SLC20A2: variants seen among roughly 807,000 people sequenced by gnomAD.
SLC20A2 encodes solute carrier family 20 member 2.
In SLC20A2, 30 loss-of-function variants were observed where a neutral mutation model predicts 61.0. That is an observed-to-expected ratio of 0.49 (90% CI 0.37 to 0.67). The LOEUF (loss-of-function observed/expected upper bound fraction) is 0.67, where lower values mean the gene tolerates loss of function less well. Among genes scored for constraint, SLC20A2 ranks in the 30% least tolerant of loss-of-function variants. The pLI, the probability that SLC20A2 is intolerant of heterozygous loss-of-function variation, is 0.00. For missense variants in SLC20A2, 626 were observed against 866.4 expected, an observed-to-expected ratio of 0.72 and a Z score of 3.48; for synonymous variants, 351 against 353.3, an observed-to-expected ratio of 0.99 and a Z score of 0.07.
chr8:42,479,784 C>T (rs561964223), intron 1 of SLC20A2, among the ~76,000 whole-genome samples: 2 of 152,212 alleles, frequency 1.3e-5, no homozygotes, highest in African/African-American at 2.4e-5. Flanking sequence ...GAGATTGAGC[C>T]ACTGCACTCT....
At chr8:42,454,269 T>G (rs1805963266) in intron 5 of SLC20A2, among the ~76,000 whole-genome samples, 1 of 152,200 alleles carries the variant, frequency 6.6e-6, no homozygotes, top group Admixed American at 6.5e-5. Context: ...CCCGAAGTGC[T>G]GAGATTACAG....
intron 1 of SLC20A2, among the ~76,000 whole-genome samples, chr8:42,526,147 G>C (rs900299974): frequency 6.6e-6 from 1 of 152,288 alleles, no homozygotes; most frequent in Non-Finnish European, 1.5e-5. Context: ...CCCCAGCAGA[G>C]TGACTAAGGT....
intron 10 of SLC20A2, among the ~76,000 whole-genome samples, chr8:42,421,988 C>T (rs1284666662): frequency 2.0e-5 from 3 of 152,130 alleles, no homozygotes; most frequent in Admixed American, 1.3e-4. Context: ...CAGTCCTGCC[C>T]TGTCACGAAG....
intron 7 of SLC20A2, among the ~76,000 whole-genome samples, chr8:42,438,284 C>G (rs1351680066): frequency 6.6e-6 from 1 of 152,084 alleles, no homozygotes; most frequent in African/African-American, 2.4e-5. Flanking sequence ...AAACCCACTT[C>G]GTGTGAGGTA....
intron 5 of SLC20A2, among the ~76,000 whole-genome samples, chr8:42,456,592 C>T (rs933353677): frequency 1.7e-4 from 26 of 151,892 alleles, no homozygotes; most frequent in Admixed American, 5.3e-4. Flanking sequence ...ATTAGCCAGG[C>T]GTGGTGGCAG....
At chr8:42,499,246 G>A (rs1327954558) in intron 1 of SLC20A2, among the ~76,000 whole-genome samples, 1 of 152,142 alleles carries the variant, frequency 6.6e-6, no homozygotes, top group Non-Finnish European at 1.5e-5. Flanking sequence ...ACTCTGCATA[G>A]AGCTCATCAT....
intron 2 of SLC20A2, among the ~76,000 whole-genome samples, chr8:42,470,914 C>G (rs980510269): frequency 1.4e-5 from 2 of 146,402 alleles, no homozygotes; most frequent in Non-Finnish European, 3.0e-5. Context: ...GTGGAGGTGG[C>G]AGTGAGCGGA....
At chr8:42,447,944 C>T (rs1209315679) in intron 5 of SLC20A2, among the ~76,000 whole-genome samples, 1 of 152,186 alleles carries the variant, frequency 6.6e-6, no homozygotes, top group Non-Finnish European at 1.5e-5. Context: ...GGCTCTGCCC[C>T]TGCACCCAAA....
chr8:42,535,074 T>C (rs1056585654), intron 1 of SLC20A2: 13 of 152,230 alleles, frequency 8.5e-5, no homozygotes, highest in African/African-American at 2.9e-4. Flanking sequence ...AAATCCTCGA[T>C]GGAATTGAAG....
rs71548583 is a variant in SLC20A2 at position 42,455,257 on chromosome 8, T to TAGAGAGAG, written c.613+4631_613+4638dup. Among the ~76,000 whole-genome samples, 140 of 81,610 alleles carry TAGAGAGAG rather than the reference T, an allele frequency of 1.7e-3. 1 individual carries two copies. Among genetic ancestry groups the TAGAGAGAG allele is most frequent in the Middle Eastern group, 9.3e-3 (1 of 108 alleles). The allele number at this position is 81,610 out of a possible 152,430, so 53.5% of individuals were successfully genotyped here. The stretch of plus-strand genomic sequence containing the variant: ...AAAAAAAAAAATATATATATATATA[T>TAGAGAGAG]AGAGAGAGAGAGAGAGAGAGAGAGA... On this transcript the variant is annotated intron_variant, in intron 5 of 10. Transcript: ENST00000520262.
At chr8:42,518,582 G>T (rs1563543446) in intron 1 of SLC20A2, among the ~76,000 whole-genome samples, 1 of 152,194 alleles carries the variant, frequency 6.6e-6, no homozygotes, top group African/African-American at 2.4e-5. Context: ...CTATGAACAT[G>T]GGTGGGACAT....
intron 10 of SLC20A2, among the ~76,000 whole-genome samples, chr8:42,423,559 G>A (rs912039574): frequency 2.6e-5 from 4 of 152,030 alleles, no homozygotes; most frequent in Non-Finnish European, 5.9e-5. Flanking sequence ...AATGTTTCAC[G>A]ATGCTTGACA....
intron 1 of SLC20A2, among the ~76,000 whole-genome samples, chr8:42,499,720 G>C (rs1363462166): frequency 1.3e-5 from 2 of 152,154 alleles, no homozygotes; most frequent in African/African-American, 4.8e-5. Flanking sequence ...CAATAAGTCA[G>C]AATTTTTTGG....
At chr8:42,504,609 C>T (rs888904516), upstream of SLC20A2, among the ~76,000 whole-genome samples, 8 of 151,320 alleles carry the variant, frequency 5.3e-5, no homozygotes, top group East Asian at 1.4e-3. Flanking sequence ...TGTGGGAGGC[C>T]GAGGTGGGTG....
intron 5 of SLC20A2, among the ~76,000 whole-genome samples, chr8:42,449,384 ATCTTTACAATTCTAT>A: frequency 6.6e-6 from 1 of 152,370 alleles, no homozygotes; most frequent in Admixed American, 6.5e-5. Flanking sequence ...AACCTCAAGC[ATCTTTACAATTCTAT>A]TCCAAATTCC....
intron 2 of SLC20A2, among the ~76,000 whole-genome samples, chr8:42,470,647 C>A (rs923077143): frequency 6.6e-6 from 1 of 152,212 alleles, no homozygotes; most frequent in East Asian, 1.9e-4. Context: ...CCATTGTGAA[C>A]TTGGTCAATA....
chr8:42,461,436 G>GT lies in SLC20A2; in HGVS notation c.517-1445dup, dbSNP rs145447516. Among the ~76,000 whole-genome samples the GT allele has an allele frequency of 1.3e-3, 201 of 151,524 alleles. 5 individuals carry two copies. In the East Asian group the frequency reaches 0.033, roughly 25 times the overall value. ...AGTCTGTGTTTTCAATTAAATTACCGTATGTTTTTTCAAATATCTTTTTTT... is the reference window on the plus strand; with the variant it reads ...AGTCTGTGTTTTCAATTAAATTACCGTTATGTTTTTTCAAATATCTTTTTTT... On this transcript the variant is annotated intron_variant, in intron 4 of 10. Coordinates refer to ENST00000520262, the MANE Select transcript of SLC20A2 (RefSeq NM_001257180.2).
At chr8:42,449,497 T>C (rs923723727) in intron 5 of SLC20A2, among the ~76,000 whole-genome samples, 1 of 152,348 alleles carries the variant, frequency 6.6e-6, no homozygotes, top group South Asian at 2.1e-4. Flanking sequence ...ATTGCCTTGT[T>C]GTACTTCTTG....
intron 1 of SLC20A2, among the ~76,000 whole-genome samples, chr8:42,509,360 A>T (rs80161615): frequency 0.025 from 3,814 of 152,276 alleles, 117 homozygotes; most frequent in African/African-American, 0.073. Context: ...TTAAAAGAAC[A>T]CAGGCTGTCC....
Sources: gnomAD v4.1 joint callset for allele counts (sites outside exome capture counted in the v4.1 genomes callset) on GRCh38, gnomAD v4.1.1 for gene constraint, MANE v1.5 for transcripts, NCBI Gene and HGNC (gene_info 2026-07-23, HGNC 2026-07-21) for gene names.